MAGI2: variants seen among roughly 807,000 people sequenced by gnomAD.
The protein encoded by MAGI2 is membrane associated guanylate kinase, WW and PDZ domain containing 2, also known as membrane-associated guanylate kinase, WW and PDZ domain-containing protein 2.
A neutral mutation model predicts 133.3 loss-of-function variants in MAGI2; 35 were observed. The observed-to-expected ratio is 0.26, with a 90% CI of 0.20 to 0.35. MAGI2 has a LOEUF of 0.35. Ranked by LOEUF, MAGI2 falls within the 10% of genes least tolerant of loss-of-function variation. The probability of loss-of-function intolerance (pLI) is 1.00; values close to 1 mark genes in which losing one functional copy is unlikely to be tolerated. For missense variants in MAGI2, 1,636 were observed against 1,863.4 expected, an observed-to-expected ratio of 0.88 and a Z score of 2.25; for synonymous variants, 729 against 710.6, an observed-to-expected ratio of 1.03 and a Z score of -0.41.
intron 2 of MAGI2, among the ~76,000 whole-genome samples, chr7:78,678,447 C>T (rs1037023389): frequency 1.3e-5 from 2 of 152,126 alleles, no homozygotes; most frequent in African/African-American, 4.8e-5. Flanking sequence ...GGACTCTACT[C>T]ATTAGTAGGG....
chr7:79,068,804 G>T (rs111438787), intron 1 of MAGI2, among the ~76,000 whole-genome samples: 18 of 152,012 alleles, frequency 1.2e-4, no homozygotes, highest in Non-Finnish European at 2.6e-4. Context: ...GTTTTCATTG[G>T]TTTCAAATAA....
intron 2 of MAGI2, among the ~76,000 whole-genome samples, chr7:78,817,004 C>T (rs1474532748): frequency 6.6e-6 from 1 of 152,118 alleles, no homozygotes; most frequent in Non-Finnish European, 1.5e-5. Flanking sequence ...AAAGGATTCA[C>T]CATTAAGAAC....
intron 21 of MAGI2, among the ~76,000 whole-genome samples, chr7:78,076,090 A>G (rs1182973669): frequency 1.3e-5 from 2 of 152,198 alleles, no homozygotes; most frequent in Non-Finnish European, 2.9e-5. Flanking sequence ...TTAATGTTCC[A>G]CTTTAGAAGA....
chr7:78,528,985 G>T (rs921233866), intron 3 of MAGI2, among the ~76,000 whole-genome samples: 7 of 146,322 alleles, frequency 4.8e-5, no homozygotes, highest in Non-Finnish European at 7.6e-5. Flanking sequence ...GGGAATGTTT[G>T]TTTTTTTTTT....
intron 2 of MAGI2, among the ~76,000 whole-genome samples, chr7:78,828,148 G>C (rs997872098): frequency 6.6e-6 from 1 of 152,294 alleles, no homozygotes; most frequent in East Asian, 1.9e-4. Context: ...GCCTCCCAAA[G>C]TGCTGGGATT....
chr7:78,182,056 G>C (rs1827236306), intron 13 of MAGI2, among the ~76,000 whole-genome samples: 1 of 152,126 alleles, frequency 6.6e-6, no homozygotes, highest in Admixed American at 6.5e-5. Flanking sequence ...ATTAAAATTT[G>C]GTACTTGAAT....
At chr7:78,537,243 C>A (rs1798039496) in intron 3 of MAGI2, among the ~76,000 whole-genome samples, 1 of 151,256 alleles carries the variant, frequency 6.6e-6, no homozygotes, top group South Asian at 2.1e-4. Context: ...AATTGATGAA[C>A]TTTTGAGCTG....
intron 2 of MAGI2, among the ~76,000 whole-genome samples, chr7:78,948,003 G>A (rs1387819964): frequency 1.3e-5 from 2 of 151,916 alleles, no homozygotes; most frequent in Non-Finnish European, 2.9e-5. Flanking sequence ...ATGGAAATAT[G>A]GAATAACCAG....
intron 6 of MAGI2, chr7:78,486,683 G>A (rs532496089): frequency 3.6e-5 from 14 of 390,320 alleles, no homozygotes; most frequent in African/African-American, 2.5e-4. Flanking sequence ...TGGCGACAAC[G>A]ATGGTTCCAA....
chr7:78,714,881 G>A (rs1819553959), intron 2 of MAGI2, among the ~76,000 whole-genome samples: 1 of 152,168 alleles, frequency 6.6e-6, no homozygotes, highest in South Asian at 2.1e-4. Flanking sequence ...AATGGCAAGA[G>A]CTTTGATTAA....
At chr7:78,600,016 C>G (rs1563224441) in intron 3 of MAGI2, among the ~76,000 whole-genome samples, 2 of 152,168 alleles carry the variant, frequency 1.3e-5, no homozygotes, top group Non-Finnish European at 2.9e-5. Context: ...AACATTCCAT[C>G]CTCACTCTTC....
intron 2 of MAGI2, among the ~76,000 whole-genome samples, chr7:78,840,701 A>AC (rs1481103276): frequency 6.6e-6 from 1 of 152,044 alleles, no homozygotes; most frequent in Non-Finnish European, 1.5e-5. Flanking sequence ...TACCAACATC[A>AC]AAGAGCTGAG....
chr7:79,146,474 G>A (rs1245183562), intron 1 of MAGI2, among the ~76,000 whole-genome samples: 1 of 152,160 alleles, frequency 6.6e-6, no homozygotes, highest in East Asian at 1.9e-4. Flanking sequence ...AATGGATGGT[G>A]TGATTTTGTT....
At chr7:78,399,225 AACACACACATGCATGCGGGTGTGTGCAC>A (rs1796627302) in intron 6 of MAGI2, among the ~76,000 whole-genome samples, 1 of 152,176 alleles carries the variant, frequency 6.6e-6, no homozygotes, top group Non-Finnish European at 1.5e-5. Flanking sequence ...TACCCTGAAC[AACACACACATGCATGCGGGTGTGTGCAC>A]ACACACACAC....
At position 78,501,811 on chromosome 7, in the gene MAGI2, G is replaced by A. The variant is rs1171683051; in HGVS notation, c.755-24C>T. The A allele has an allele frequency of 1.9e-6, 3 of 1,585,142 alleles. No homozygotes were observed. The African/African-American group carries it at 4.0e-5, about 21-fold the overall frequency. ...TTCTATAAGAGAACAAGAGCACGTG[G>A]TTAGTCACTCCAACCATGGTAACTC... On this transcript the variant is annotated intron_variant, in intron 4 of 21. Coordinates refer to ENST00000354212, the MANE Select transcript of MAGI2 (RefSeq NM_012301.4).
At chr7:79,268,112 G>C (rs1834617418) in intron 1 of MAGI2, among the ~76,000 whole-genome samples, 1 of 152,120 alleles carries the variant, frequency 6.6e-6, no homozygotes, top group South Asian at 2.1e-4. Context: ...AGAGACAGAG[G>C]AGTTCTATCC....
intron 2 of MAGI2, among the ~76,000 whole-genome samples, chr7:78,966,853 T>A (rs1803358120): frequency 1.3e-5 from 2 of 151,332 alleles, no homozygotes; most frequent in Admixed American, 6.6e-5. Context: ...TTTTTTTTTT[T>A]TAGATAATAG....
At chr7:79,135,043 T>G (rs964601998) in intron 1 of MAGI2, among the ~76,000 whole-genome samples, 3 of 152,198 alleles carry the variant, frequency 2.0e-5, no homozygotes, top group Non-Finnish European at 2.9e-5. Context: ...TAATATAATT[T>G]AGAGACATCC....
At chr7:79,318,112 G>A (rs1838884453) in intron 1 of MAGI2, among the ~76,000 whole-genome samples, 2 of 152,004 alleles carry the variant, frequency 1.3e-5, no homozygotes, top group African/African-American at 4.8e-5. Flanking sequence ...TCTTTTCTGG[G>A]ATTGCTAAAC....
Sources: gnomAD v4.1 joint callset for allele counts (sites outside exome capture counted in the v4.1 genomes callset) on GRCh38, gnomAD v4.1.1 for gene constraint, MANE v1.5 for transcripts, NCBI Gene and HGNC (gene_info 2026-07-23, HGNC 2026-07-21) for gene names.